VPS13D: variants seen among roughly 807,000 people sequenced by gnomAD.
The protein encoded by VPS13D is intermembrane lipid transfer protein VPS13D.
A neutral mutation model predicts 461.9 loss-of-function variants in VPS13D; 187 were observed. The observed-to-expected ratio is 0.40, with a 90% CI of 0.36 to 0.46. The LOEUF is 0.46. VPS13D is among the 20% of genes least tolerant of loss of function. VPS13D has a pLI of 0.60. For missense variants in VPS13D, 4,711 were observed against 5,364.9 expected (o/e 0.88, Z 3.81); for synonymous variants, 1,951 against 1,986.3 (o/e 0.98, Z 0.47).
intron 18 of VPS13D, among the ~76,000 whole-genome samples, chr1:12,273,777 G>A (rs189605156): frequency 4.6e-5 from 7 of 152,122 alleles, no homozygotes; most frequent in South Asian, 4.1e-4. Context: ...TGGCTGTTCC[G>A]CGTTTTGTTT....
At position 12,260,774 on chromosome 1, in the gene VPS13D, A is replaced by G. The variant is rs765941549; in HGVS notation, c.1192A>G (p.Lys398Glu). The G allele has an allele frequency of 6.2e-7, 1 of 1,614,200 alleles. No homozygotes were observed. Among genetic ancestry groups the G allele is most frequent in the Non-Finnish European group, 8.5e-7 (1 of 1,180,034 alleles). The change falls in exon 11 of 70, where the codon AAA (lysine) becomes GAA (glutamate). Residue 398 changes from lysine to glutamate, a missense_variant. Lys to Glu is a moderately conservative substitution (Grantham distance 56). Coordinates refer to ENST00000620676, the MANE Select transcript of VPS13D (RefSeq NM_015378.4). ...TGAACTGGTTCATGATCGATTTCAC[A>G]AACAGGAAGAACTAGCAGAGGTAAG... Reference protein sequence around the residue: ...LRELVHDRFHKQEELAESLRE... With the variant: ...LRELVHDRFHEQEELAESLRE...
At chr1:12,383,936 G>A (rs1011259796) in intron 58 of VPS13D, among the ~76,000 whole-genome samples, 1 of 152,206 alleles carries the variant, frequency 6.6e-6, no homozygotes, top group Non-Finnish European at 1.5e-5. Flanking sequence ...AATGTGGTAA[G>A]AAAGAAGGCT....
chr1:12,487,395 G>T (rs898203494), intron 67 of VPS13D, among the ~76,000 whole-genome samples: 2 of 152,114 alleles, frequency 1.3e-5, no homozygotes, highest in African/African-American at 4.8e-5. Flanking sequence ...CGGATCACAA[G>T]GTCAGGAGTT....
At chr1:12,253,425 T>A (rs1010090269) in intron 6 of VPS13D, among the ~76,000 whole-genome samples, 6 of 152,200 alleles carry the variant, frequency 3.9e-5, no homozygotes, top group African/African-American at 1.4e-4. Flanking sequence ...TGCCTGAAAC[T>A]TATATATCTT....
intron 67 of VPS13D, among the ~76,000 whole-genome samples, chr1:12,487,006 G>A (rs1201791665): frequency 1.3e-5 from 2 of 152,046 alleles, no homozygotes; most frequent in African/African-American, 2.4e-5. Flanking sequence ...CTCCCTGGAA[G>A]AGATGAGTGA....
At chr1:12,267,721 G>C in intron 14 of VPS13D, 124 bp from the exon 15 acceptor site, 1 of 851,044 alleles carries the variant, frequency 1.2e-6, no homozygotes, top group Non-Finnish European at 2.0e-6. Flanking sequence ...GTCAATCTGA[G>C]GTAAAGTGAG....
At chr1:12,241,519 AGTG>A (rs1640373030) in intron 2 of VPS13D, among the ~76,000 whole-genome samples, 3 of 152,222 alleles carry the variant, frequency 2.0e-5, no homozygotes, top group Non-Finnish European at 4.4e-5. Context: ...TTACATTTTC[AGTG>A]GCCATCACAG....
intron 46 of VPS13D, among the ~76,000 whole-genome samples, chr1:12,350,325 G>A (rs890222183): frequency 2.0e-5 from 3 of 152,082 alleles, no homozygotes; most frequent in African/African-American, 7.2e-5. Context: ...CATACAGAAT[G>A]TATTTCCTGA....
In VPS13D at chr1:12,505,324, G is replaced by A. The variant is rs1257848770; in HGVS notation, c.12795-1529G>A. On this transcript the variant is annotated intron_variant, in intron 68 of 69. Coordinates refer to ENST00000620676, the MANE Select transcript of VPS13D (RefSeq NM_015378.4). The surrounding 1 kb of genome is among the most constrained non-coding windows in gnomAD (Gnocchi z 4.2). ...TTCAACTCTGTTCAGTGATGCTGCC[G>A]CTCTCAATGCGGTTAGAGCGCAAGA... 6.6e-6 allele frequency among the ~76,000 whole-genome samples: 1 copy of A among 152,216 alleles called. No homozygotes were observed. The highest frequency in any genetic ancestry group is 2.4e-5 in the African/African-American group (1 of 41,458).
chr1:12,332,870 CTT>C (rs900996583), intron 37 of VPS13D, among the ~76,000 whole-genome samples: 18 of 152,262 alleles, frequency 1.2e-4, no homozygotes, highest in African/African-American at 4.1e-4. Flanking sequence ...ATTTAAGACA[CTT>C]TATTATTTTT....
At chr1:12,470,386 G>T (rs980075148) in intron 67 of VPS13D, among the ~76,000 whole-genome samples, 1 of 152,222 alleles carries the variant, frequency 6.6e-6, no homozygotes, top group African/African-American at 2.4e-5. Context: ...CTCCTGAGGT[G>T]TTAGAGGCCA....
intron 66 of VPS13D, among the ~76,000 whole-genome samples, chr1:12,457,568 TCCTTAGGAA>T (rs1416347666): frequency 6.6e-6 from 1 of 152,210 alleles, no homozygotes; most frequent in Non-Finnish European, 1.5e-5. Context: ...TTGTACCAGA[TCCTTAGGAA>T]CCATCCAAAG....
At chr1:12,381,658 T>C (rs575233075) in intron 57 of VPS13D, among the ~76,000 whole-genome samples, 1 of 152,352 alleles carries the variant, frequency 6.6e-6, no homozygotes, top group African/African-American at 2.4e-5. Context: ...CACTCACAGA[T>C]GGCTGAGTGT....
Position 12,282,701 on chromosome 1 carries a change from A to G in VPS13D, c.4603-4A>G. On this transcript the variant is annotated splice_polypyrimidine_tract_variant and splice_region_variant and intron_variant, in intron 20 of 69. Transcript: ENST00000620676. ...GTAACTGAATTTTTCTCTTTTCAATACAGGTGGTGTTAGCAAAGCATGTAT... is the reference window on the plus strand; with the variant it reads ...GTAACTGAATTTTTCTCTTTTCAATGCAGGTGGTGTTAGCAAAGCATGTAT... 2 of 1,594,488 alleles carry G rather than the reference A, an allele frequency of 1.3e-6. No homozygotes were observed. Among genetic ancestry groups the G allele is most frequent in the Admixed American group, 1.7e-5 (1 of 58,238 alleles).
chr1:12,307,311 G>A (rs1349634453), intron 26 of VPS13D, among the ~76,000 whole-genome samples: 1 of 152,078 alleles, frequency 6.6e-6, no homozygotes, highest in Non-Finnish European at 1.5e-5. Flanking sequence ...AGATGAGAGG[G>A]GCGGGCCATG....
intron 67 of VPS13D, among the ~76,000 whole-genome samples, chr1:12,487,745 A>T (rs1462016585): frequency 6.6e-6 from 1 of 151,970 alleles, no homozygotes; most frequent in Non-Finnish European, 1.5e-5. Flanking sequence ...GGGAGAGGTG[A>T]CAGTTAGGAC....
intron 64 of VPS13D, among the ~76,000 whole-genome samples, chr1:12,416,236 C>G (rs1644792577): frequency 6.6e-6 from 1 of 152,132 alleles, no homozygotes; most frequent in Admixed American, 6.5e-5. Context: ...CTTCAGGCCC[C>G]CCACCCACAC....
At chr1:12,398,978 C>T (rs771150225) in intron 60 of VPS13D, among the ~76,000 whole-genome samples, 19 of 152,152 alleles carry the variant, frequency 1.2e-4, no homozygotes, top group Non-Finnish European at 2.8e-4. Context: ...GCTTCTTCCT[C>T]TGTGATATAA....
In VPS13D at chr1:12,275,926, C is replaced by T; in HGVS notation, c.2338C>T (p.Pro780Ser). 1.2e-6 allele frequency: 2 copies of T among 1,613,984 alleles called. No individual in the cohort carries two copies. Among genetic ancestry groups the T allele is most frequent in the Non-Finnish European group, 1.7e-6 (2 of 1,180,012 alleles). ...TPLATPPNTP[P>S]PESSSSNGEK... is the part of the protein sequence containing the mutation. ...CCTGGCCACACCTCCTAACACCCCA[C>T]CTCCCGAGTCAAGCAGCAGCAACGG... The change falls in exon 19 of 70, where the codon CCT becomes TCT. Residue 780 changes from proline (P) to serine (S), a missense_variant. Physicochemically the swap from Pro to Ser is moderately conservative, Grantham distance 74 (BLOSUM62 -1). Around this residue, in one of 3 missense-constraint regions of VPS13D, gnomAD observed 4,411 missense variants for 4,937.8 expected, o/e 0.89. Coordinates refer to ENST00000620676, the MANE Select transcript of VPS13D (RefSeq NM_015378.4).
Sources: allele counts gnomAD v4.1 joint callset (sites outside exome capture counted in the v4.1 genomes callset), GRCh38; gene constraint gnomAD v4.1.1; regional missense constraint gnomAD v4.1.1; non-coding constraint Gnocchi (gnomAD v3.1); transcripts MANE v1.5; gene names NCBI Gene and HGNC (gene_info 2026-07-23, HGNC 2026-07-21).